The following SLC7A5 variants were observed in gnomAD, a reference collection of about 807,000 sequenced individuals.
The protein encoded by SLC7A5 is solute carrier family 7 member 5.
SLC7A5 carries 23 observed loss-of-function variants against 50.2 expected under a neutral mutation model. The ratio of observed to expected loss-of-function variants is 0.46; its 90% CI spans 0.33 to 0.65. The LOEUF is 0.65. SLC7A5 is among the 30% of genes least tolerant of loss of function. The pLI, the probability that SLC7A5 is intolerant of heterozygous loss-of-function variation, is 0.02. For synonymous variants in SLC7A5, 393 were observed against 330.6 expected (o/e 1.19, Z -2.05); for missense variants, 578 against 684.4 (o/e 0.84, Z 1.73).
Position 87,837,775 on chromosome 16 carries a change from G to T in SLC7A5, c.1140+70C>A, listed in dbSNP as rs1597494498. ...ACCCCAGACAGAGCTGCAAGCTGTG[G>T]CAGCCTCCCTCTGGGAGCCCCCGGA... is the stretch of plus-strand genomic sequence containing the variant. On this transcript the variant is annotated intron_variant, in intron 7 of 9. Transcript: ENST00000261622. The T allele has an allele frequency of 6.2e-6, 8 of 1,282,398 alleles. No individual in the cohort carries two copies. The South Asian group carries it at 7.6e-5, about 12-fold the overall frequency. The allele number at this position is 1,282,398 out of a possible 1,614,324, so 79.4% of individuals were successfully genotyped here. A position where few individuals can be genotyped will look rare whatever the true frequency, so the allele number is the denominator to read the frequency against.
intron 7 of SLC7A5, among the ~76,000 whole-genome samples, chr16:87,837,237 G>A (rs1229799531): frequency 6.6e-6 from 1 of 152,204 alleles, no homozygotes; most frequent in African/African-American, 2.4e-5. Context: ...CAGCCTGTTG[G>A]GGGAGCCCAG....
chr16:87,838,842 G>A, intron 5 of SLC7A5, 25 bp from the exon 6 acceptor site: 1 of 1,567,908 alleles, frequency 6.4e-7, no homozygotes, highest in African/African-American at 1.3e-5. Context: ...CCAGTGAGCT[G>A]GGCCCCACCG....
In SLC7A5 at chr16:87,861,536, T is replaced by G. The variant is rs2055398306; in HGVS notation, c.538+7349A>C. Among the ~76,000 whole-genome samples the G allele has an allele frequency of 6.6e-6, 1 of 152,154 alleles. No individual in the cohort carries two copies. Among genetic ancestry groups the G allele is most frequent in the African/African-American group, 2.4e-5 (1 of 41,440 alleles). Reference sequence around the variant, plus strand: ...CCAGCTGTAAATTGGGGATTATCACTGGCTTCAAAGGCTGGAGTGCAAAGT... The same window carrying G: ...CCAGCTGTAAATTGGGGATTATCACGGGCTTCAAAGGCTGGAGTGCAAAGT... On this transcript the variant is annotated intron_variant, in intron 1 of 9. Transcript: ENST00000261622. This position sits in a 1 kb window ranked among gnomAD's most constrained non-coding sequence, Gnocchi z 4.2.
At chr16:87,836,740 GGC>G in intron 7 of SLC7A5, 93 bp from the exon 8 acceptor site, 2 of 1,392,406 alleles carry the variant, frequency 1.4e-6, no homozygotes, top group Non-Finnish European at 2.0e-6. Context: ...AGCCTGGCTG[GGC>G]CCAGCTGAGC....
intron 2 of SLC7A5, among the ~76,000 whole-genome samples, chr16:87,844,650 G>T (rs540259900): frequency 6.6e-6 from 1 of 152,352 alleles, no homozygotes; most frequent in South Asian, 2.1e-4. Flanking sequence ...CCTGCCCAGC[G>T]TGGGGAACAT....
chr16:87,859,530 A>T (rs1341264290), intron 1 of SLC7A5, among the ~76,000 whole-genome samples: 5 of 152,212 alleles, frequency 3.3e-5, no homozygotes, highest in South Asian at 2.1e-4. Flanking sequence ...CCAAAGGGAT[A>T]TTCCAAAGTT....
intron 2 of SLC7A5, among the ~76,000 whole-genome samples, chr16:87,843,153 T>C (rs907432736): frequency 6.6e-6 from 1 of 152,014 alleles, no homozygotes; most frequent in Non-Finnish European, 1.5e-5. Context: ...CCTGAGCTGA[T>C]GGACAGGAGG....
chr16:87,860,340 ATACACACAC>A lies in SLC7A5; in HGVS notation c.539-8500_539-8492del, dbSNP rs1422364233. Among the ~76,000 whole-genome samples the A allele has an allele frequency of 2.5e-4, 13 of 52,188 alleles. No homozygotes were observed. The highest frequency in any genetic ancestry group is 0.021 in the Middle Eastern group (2 of 94). 34.2% of individuals were successfully genotyped at this position (52,188 alleles called of 152,430 possible). The stretch of plus-strand genomic sequence containing the variant: ...AAAAGCATCTCAAAAAAAAAAAAAA[ATACACACAC>A]ACACACACACACACACACACACACA... On this transcript the variant is annotated intron_variant, in intron 1 of 9. Transcript: ENST00000261622. This position sits in a 1 kb window ranked among gnomAD's most constrained non-coding sequence, Gnocchi z 4.8.
rs1014802545 is a variant in SLC7A5, at chr16:87,833,578, A to G, written c.1469-553T>C. 6.6e-6 allele frequency among the ~76,000 whole-genome samples: 1 copy of G among 152,190 alleles called. No homozygotes were observed. The highest frequency in any genetic ancestry group is 2.4e-5 in the African/African-American group (1 of 41,454). On this transcript the variant is annotated intron_variant, in intron 9 of 9. Transcript: ENST00000261622. This position sits in a 1 kb window ranked among gnomAD's most constrained non-coding sequence, Gnocchi z 6.0. Reference sequence around the variant, plus strand: ...CTGAATGACAGTTAATGCAGATCCCACTGCAAAGCTTGAGGCAAATGTTCT... The same window carrying G: ...CTGAATGACAGTTAATGCAGATCCCGCTGCAAAGCTTGAGGCAAATGTTCT...
At chr16:87,844,230 C>T (rs1243556729) in intron 2 of SLC7A5, among the ~76,000 whole-genome samples, 1 of 152,180 alleles carries the variant, frequency 6.6e-6, no homozygotes, top group Admixed American at 6.5e-5. Flanking sequence ...GTGGAGCTGC[C>T]ATGAAAGCAA....
At chr16:87,835,491 G>GT (rs555120378) in intron 8 of SLC7A5, among the ~76,000 whole-genome samples, 3 of 152,094 alleles carry the variant, frequency 2.0e-5, no homozygotes, top group Non-Finnish European at 2.9e-5. Flanking sequence ...TAAAGCCCCT[G>GT]TTTTTTTTGT....
In SLC7A5 at chr16:87,833,037, G is replaced by T; in HGVS notation, c.1469-12C>A. On this transcript the variant is annotated splice_polypyrimidine_tract_variant and intron_variant, in intron 9 of 9. Coordinates refer to ENST00000261622, the MANE Select transcript of SLC7A5 (RefSeq NM_003486.7). This position sits in a 1 kb window ranked among gnomAD's most constrained non-coding sequence, Gnocchi z 6.0. ...GACGGTCGTGGAGACTGTCAGGAGA[G>T]AAGACAGCTGTGTTAGCCTGGGGGC... 1 of 1,613,338 alleles carries T rather than the reference G, an allele frequency of 6.2e-7. No homozygotes were observed. The highest frequency in any genetic ancestry group is 8.5e-7 in the Non-Finnish European group (1 of 1,179,428).
At chr16:87,835,673 A>C (rs921874668) in intron 8 of SLC7A5, among the ~76,000 whole-genome samples, 2 of 151,966 alleles carry the variant, frequency 1.3e-5, no homozygotes, top group African/African-American at 2.4e-5. Flanking sequence ...ACGGGGTTTC[A>C]CCGTGTTAGC....
chr16:87,866,160 TAA>T (rs1263659200), intron 1 of SLC7A5, among the ~76,000 whole-genome samples: 1 of 152,020 alleles, frequency 6.6e-6, no homozygotes, highest in Admixed American at 6.6e-5. Context: ...TCTTAGCAGC[TAA>T]AGAGGGCAGC....
chr16:87,850,476 C>T (rs1465578725), intron 2 of SLC7A5, among the ~76,000 whole-genome samples: 1 of 152,242 alleles, frequency 6.6e-6, no homozygotes, highest in Non-Finnish European at 1.5e-5. Flanking sequence ...AGCCTCTCTG[C>T]AGCCATCGGT....
chr16:87,860,243 G>GA lies in SLC7A5; in HGVS notation c.539-8395dup, dbSNP rs1567501139. Reference sequence around the variant, plus strand: ...AGCTACTCGGGAAGCTAAGGCAGGAGAATCACTTGAACCCAGGAGGCGGAG... The same window carrying GA: ...AGCTACTCGGGAAGCTAAGGCAGGAGAAATCACTTGAACCCAGGAGGCGGAG... On this transcript the variant is annotated intron_variant, in intron 1 of 9. Coordinates refer to ENST00000261622, the MANE Select transcript of SLC7A5 (RefSeq NM_003486.7). The surrounding 1 kb of genome is among the most constrained non-coding windows in gnomAD (Gnocchi z 4.8). Among the ~76,000 whole-genome samples, 1 of 150,364 alleles carries GA rather than the reference G, an allele frequency of 6.7e-6. No individual in the cohort carries two copies.
In SLC7A5 at chr16:87,833,066, G is replaced by A; in HGVS notation, c.1469-41C>T. 1 of 1,575,656 alleles carries A rather than the reference G, an allele frequency of 6.3e-7. No individual in the cohort carries two copies. Among genetic ancestry groups the A allele is most frequent in the Non-Finnish European group, 8.7e-7 (1 of 1,145,388 alleles). Reference sequence around the variant, plus strand: ...ACAGCTGTGTTAGCCTGGGGGCTGGGTAGGCACCCGTGGGACACGGGGGCG... The same window carrying A: ...ACAGCTGTGTTAGCCTGGGGGCTGGATAGGCACCCGTGGGACACGGGGGCG... On this transcript the variant is annotated intron_variant, in intron 9 of 9. Transcript: ENST00000261622. This position sits in a 1 kb window ranked among gnomAD's most constrained non-coding sequence, Gnocchi z 6.0.
At chr16:87,864,130 A>G (rs925973785) in intron 1 of SLC7A5, among the ~76,000 whole-genome samples, 1 of 150,302 alleles carries the variant, frequency 6.7e-6, no homozygotes, top group Admixed American at 6.6e-5. Context: ...TGTCTCTACT[A>G]AAAAATACAA....
chr16:87,835,849 G>A (rs968526870), intron 8 of SLC7A5, among the ~76,000 whole-genome samples: 1 of 152,208 alleles, frequency 6.6e-6, no homozygotes, highest in African/African-American at 2.4e-5. Context: ...GAGATGGTCC[G>A]GGCAGGGAAG....
Sources: gnomAD v4.1 joint callset for allele counts (sites outside exome capture counted in the v4.1 genomes callset) on GRCh38, gnomAD v4.1.1 for gene constraint, Gnocchi (gnomAD v3.1) non-coding constraint, MANE v1.5 for transcripts, NCBI Gene and HGNC (gene_info 2026-07-23, HGNC 2026-07-21) for gene names.